The following WDR70 variants were observed in gnomAD, a reference collection of about 807,000 sequenced individuals.
The protein encoded by WDR70 is WD repeat domain 70.
A neutral mutation model predicts 88.6 loss-of-function variants in WDR70; 53 were observed. That is an observed-to-expected ratio of 0.60 (90% CI 0.48 to 0.75). The LOEUF (loss-of-function observed/expected upper bound fraction) is 0.75. Among genes scored for constraint, WDR70 ranks in the 30% least tolerant of loss-of-function variants. The probability of loss-of-function intolerance (pLI) is 0.00; values close to 1 mark genes in which losing one functional copy is unlikely to be tolerated. For synonymous variants in WDR70, 280 were observed against 270.0 expected (o/e 1.04, Z -0.36); for missense variants, 610 against 823.2 (o/e 0.74, Z 3.17).
At chr5:37,483,991 A>C (rs1467948748) in intron 8 of WDR70, among the ~76,000 whole-genome samples, 1 of 149,516 alleles carries the variant, frequency 6.7e-6, no homozygotes, top group Non-Finnish European at 1.5e-5. Context: ...CACATCTCAG[A>C]CGATGGGCGG....
intron 9 of WDR70, among the ~76,000 whole-genome samples, chr5:37,548,928 C>T (rs1333650635): frequency 6.6e-6 from 1 of 152,170 alleles, no homozygotes; most frequent in East Asian, 1.9e-4. Flanking sequence ...TTCTTGGCAC[C>T]TTTGTAAAAA....
In WDR70 at chr5:37,633,980, G is replaced by T. The variant is rs79945095; in HGVS notation, c.1092+28742G>T. Among the ~76,000 whole-genome samples, 185 of 151,998 alleles carry T rather than the reference G, an allele frequency of 1.2e-3. 3 individuals are homozygous for T. Among genetic ancestry groups the T allele is most frequent in the African/African-American group, 4.3e-3 (178 of 41,454 alleles). ...CCAAGTGATTCTATCTTATTCTACA[G>T]GAGAGTATTTTTCAATATTTTAAAA... On this transcript the variant is annotated intron_variant, in intron 10 of 17. Coordinates refer to ENST00000265107, the MANE Select transcript of WDR70 (RefSeq NM_018034.4).
rs551388040 is a variant in WDR70, at chr5:37,416,864, C to T, written c.492+20294C>T. On this transcript the variant is annotated intron_variant, in intron 5 of 17. Transcript: ENST00000265107. ...TGCTGGGATTACAGGCGTTAGCCACCGTGCCCAGCCACAGTTACTCTTTAG... is the reference window on the plus strand; with the variant it reads ...TGCTGGGATTACAGGCGTTAGCCACTGTGCCCAGCCACAGTTACTCTTTAG... Among the ~76,000 whole-genome samples, 10 of 152,110 alleles carry T rather than the reference C, an allele frequency of 6.6e-5. No homozygotes were observed. In the South Asian group the frequency reaches 1.0e-3, roughly 16 times the overall value.
intron 8 of WDR70, among the ~76,000 whole-genome samples, chr5:37,489,440 A>G (rs1481094272): frequency 6.6e-6 from 1 of 152,106 alleles, no homozygotes; most frequent in Non-Finnish European, 1.5e-5. Flanking sequence ...CAGACTGGGC[A>G]GCCTGGTCTT....
At position 37,605,152 on chromosome 5, in the gene WDR70, A is replaced by G. The variant is rs1013091709; in HGVS notation, c.1006A>G (p.Thr336Ala). 3.1e-6 allele frequency: 5 copies of G among 1,613,396 alleles called. No homozygotes were observed. The highest frequency in any genetic ancestry group is 1.3e-5 in the African/African-American group (1 of 74,884). The change falls in exon 10 of 18, where the codon ACT becomes GCT. Residue 336 changes from threonine to alanine, a missense_variant. Thr to Ala is a moderately conservative substitution (Grantham distance 58, BLOSUM62 0). This residue lies in a region of WDR70 where 254 missense variants were observed against 300.7 expected (regional missense o/e 0.84). Transcript: ENST00000265107. ...RTMQGKKVIP[T>A]TCTYSRDGNL... is the part of the protein sequence containing the mutation. ...GATGCAAGGCAAAAAAGTCATTCCC[A>G]CTACGTGCACATATAGTAGAGATGG...
At chr5:37,513,115 A>AT (rs986167408) in intron 8 of WDR70, among the ~76,000 whole-genome samples, 2 of 152,110 alleles carry the variant, frequency 1.3e-5, no homozygotes, top group East Asian at 3.8e-4. Context: ...TCCCATCCTT[A>AT]TTTTTTTGTG....
At chr5:37,481,198 C>T (rs372638274) in intron 8 of WDR70, among the ~76,000 whole-genome samples, 2 of 152,196 alleles carry the variant, frequency 1.3e-5, no homozygotes, top group African/African-American at 4.8e-5. Context: ...GTGGATCTAC[C>T]ATTCTGGGGT....
At chr5:37,575,599 A>G (rs1377653469) in intron 9 of WDR70, among the ~76,000 whole-genome samples, 2 of 152,214 alleles carry the variant, frequency 1.3e-5, no homozygotes, top group African/African-American at 4.8e-5. Context: ...AAATACAACC[A>G]CATGCCAGGA....
chr5:37,379,343 C>G lies in WDR70; in HGVS notation c.-25C>G, dbSNP rs1748344114. 3.1e-6 allele frequency: 5 copies of G among 1,613,374 alleles called. No homozygotes were observed. The highest frequency in any genetic ancestry group is 4.2e-6 in the Non-Finnish European group (5 of 1,179,694). ...GCAGTTGTTTGGGCTGTCCCTGTGG[C>G]TGGTTCTGGGGTGTGCGGCCAGCCA... On this transcript the variant is annotated 5_prime_UTR_variant, in exon 1 of 18. Coordinates refer to ENST00000265107, the MANE Select transcript of WDR70 (RefSeq NM_018034.4).
At chr5:37,662,002 T>C (rs1355581423) in intron 10 of WDR70, among the ~76,000 whole-genome samples, 1 of 152,196 alleles carries the variant, frequency 6.6e-6, no homozygotes, top group Admixed American at 6.5e-5. Flanking sequence ...AAGGCTATTA[T>C]CTATTTTGTT....
chr5:37,477,836 A>G (rs932866514), intron 7 of WDR70, among the ~76,000 whole-genome samples: 3 of 152,132 alleles, frequency 2.0e-5, no homozygotes, highest in Non-Finnish European at 4.4e-5. Context: ...TTACCAGTGT[A>G]TGTGCTACTT....
rs140681271 is a variant in WDR70 at position 37,508,885 on chromosome 5, G to A, written c.841-7629G>A. Among the ~76,000 whole-genome samples, 57 of 152,260 alleles carry A rather than the reference G, an allele frequency of 3.7e-4. No individual in the cohort carries two copies. In the East Asian group the frequency reaches 9.8e-3, roughly 26 times the overall value. On this transcript the variant is annotated intron_variant, in intron 8 of 17. Transcript: ENST00000265107. ...ACGTCTTCCTCAAATGTTTGGTAGA[G>A]TTTGCCAGTATAGCCAACTGGGCTG...
At chr5:37,642,619 A>G (rs1415704719) in intron 10 of WDR70, among the ~76,000 whole-genome samples, 1 of 152,160 alleles carries the variant, frequency 6.6e-6, no homozygotes, top group Non-Finnish European at 1.5e-5. Flanking sequence ...CACCAACAGT[A>G]TATGAGTGTT....
At chr5:37,391,921 T>A in intron 3 of WDR70, 79 bp from the exon 4 acceptor site, 2 of 1,463,210 alleles carry the variant, frequency 1.4e-6, no homozygotes, top group East Asian at 4.7e-5. Flanking sequence ...CTATGTTAAT[T>A]TTTAGCCTTT....
chr5:37,517,964 G>A (rs1045415650), intron 9 of WDR70, among the ~76,000 whole-genome samples: 2 of 147,792 alleles, frequency 1.4e-5, no homozygotes, highest in African/African-American at 5.0e-5. Flanking sequence ...ACCCTGGCTG[G>A]AGTGCAGTGT....
At chr5:37,616,935 G>A (rs1744361975) in intron 10 of WDR70, among the ~76,000 whole-genome samples, 1 of 152,082 alleles carries the variant, frequency 6.6e-6, no homozygotes, top group Admixed American at 6.5e-5. Context: ...TGTTTTATAA[G>A]TTGTTTGTTT....
chr5:37,707,594 C>A (rs1049072930), intron 13 of WDR70, among the ~76,000 whole-genome samples: 5 of 151,976 alleles, frequency 3.3e-5, no homozygotes, highest in South Asian at 2.1e-4. Flanking sequence ...TTGATATTTT[C>A]AACTAGTATG....
intron 5 of WDR70, among the ~76,000 whole-genome samples, chr5:37,418,353 T>C (rs563542967): frequency 6.6e-6 from 1 of 152,302 alleles, no homozygotes; most frequent in African/African-American, 2.4e-5. Flanking sequence ...GGAGTCTCGC[T>C]CTGTCGCCCA....
intron 9 of WDR70, among the ~76,000 whole-genome samples, chr5:37,593,522 G>C (rs1743603987): frequency 6.6e-6 from 1 of 152,138 alleles, no homozygotes; most frequent in Admixed American, 6.6e-5. Flanking sequence ...ACGTATATGT[G>C]CCACATTTTC....
Sources: allele counts gnomAD v4.1 joint callset (sites outside exome capture counted in the v4.1 genomes callset), GRCh38; gene constraint gnomAD v4.1.1; regional missense constraint gnomAD v4.1.1; transcripts MANE v1.5; gene names NCBI Gene and HGNC (gene_info 2026-07-23, HGNC 2026-07-21).